KLF12: variants seen among roughly 807,000 people sequenced by gnomAD.
KLF12 encodes Krueppel-like factor 12.
Under a neutral mutation model 37.8 loss-of-function variants are expected in KLF12, and 9 were observed. The observed-to-expected ratio is 0.24, with a 90% CI of 0.14 to 0.42. The LOEUF (loss-of-function observed/expected upper bound fraction) is 0.42. Ranked by LOEUF, KLF12 falls within the 10% of genes least tolerant of loss-of-function variation. KLF12 has a pLI of 1.00. For missense variants in KLF12, 411 were observed against 516.0 expected, an observed-to-expected ratio of 0.80 and a Z score of 1.97; for synonymous variants, 208 against 202.1, an observed-to-expected ratio of 1.03 and a Z score of -0.25.
chr13:74,259,290 C>T, the KLF12 span: 6 of 152,314 alleles, frequency 3.9e-5, no homozygotes, highest in African/African-American at 1.2e-4. Context: ...CCTCGAATTC[C>T]TCTTATTCTC....
rs1180545752 is a variant in KLF12, at chr13:74,071,524, A to T, written c.-32+62215T>A. ...ACACAGTGAAACCCCGTCTCTACTA[A>T]AAAAAAAAATACAAAAAAATTAGCC... On this transcript the variant is annotated intron_variant, in intron 1 of 7. Coordinates refer to ENST00000377669, the MANE Select transcript of KLF12 (RefSeq NM_007249.5). 1.3e-3 allele frequency among the ~76,000 whole-genome samples: 8 copies of T among 5,926 alleles called. No individual in the cohort carries two copies. The Non-Finnish European group carries it at 0.065, about 48-fold the overall frequency. The allele number at this position is 5,926 out of a possible 152,430, so 3.9% of individuals were successfully genotyped here. A position where few individuals can be genotyped will look rare whatever the true frequency, so the allele number is the denominator to read the frequency against.
At chr13:74,099,659 G>T (rs1364577978) in intron 1 of KLF12, among the ~76,000 whole-genome samples, 1 of 152,046 alleles carries the variant, frequency 6.6e-6, no homozygotes, top group East Asian at 1.9e-4. Flanking sequence ...TACATGCAGG[G>T]TACCAAGGAA....
chr13:73,968,349 C>A (rs1262490232), intron 2 of KLF12, among the ~76,000 whole-genome samples: 1 of 152,150 alleles, frequency 6.6e-6, no homozygotes, highest in Non-Finnish European at 1.5e-5. Flanking sequence ...TTCTCAGAGG[C>A]CTTACTTGTG....
chr13:73,731,380 T>C (rs1484554970), intron 6 of KLF12, among the ~76,000 whole-genome samples: 1 of 151,998 alleles, frequency 6.6e-6, no homozygotes, highest in Non-Finnish European at 1.5e-5. Context: ...ATTAAAAAAA[T>C]AGTAGAAACT....
the KLF12 span, among the ~76,000 whole-genome samples, chr13:74,140,715 C>A: frequency 6.6e-6 from 1 of 152,174 alleles, no homozygotes; most frequent in African/African-American, 2.4e-5. Flanking sequence ...TGCATAGCCT[C>A]GCTAAGAAAT....
At chr13:74,305,569 A>T in the KLF12 span, among the ~76,000 whole-genome samples, 2 of 152,088 alleles carry the variant, frequency 1.3e-5, no homozygotes, top group South Asian at 2.1e-4. Context: ...TTTATAAAAA[A>T]CATTGAAACT....
chr13:73,915,903 C>T (rs1352290435), intron 3 of KLF12, among the ~76,000 whole-genome samples: 1 of 151,910 alleles, frequency 6.6e-6, no homozygotes, highest in African/African-American at 2.4e-5. Context: ...TACATCTTCT[C>T]TTTTCCATGC....
At chr13:73,772,329 C>T (rs548601178) in intron 5 of KLF12, among the ~76,000 whole-genome samples, 1 of 152,280 alleles carries the variant, frequency 6.6e-6, no homozygotes, top group South Asian at 2.1e-4. Flanking sequence ...AACACAGTTC[C>T]TGACTTGAAG....
intron 3 of KLF12, among the ~76,000 whole-genome samples, chr13:73,884,452 T>C (rs1887123363): frequency 6.6e-6 from 1 of 152,172 alleles, no homozygotes; most frequent in African/African-American, 2.4e-5. Flanking sequence ...CTTTTGATAA[T>C]CATCCTCTTT....
the KLF12 span, among the ~76,000 whole-genome samples, chr13:74,158,732 A>ATGGCCTTTTT: frequency 6.6e-6 from 1 of 152,118 alleles, no homozygotes; most frequent in African/African-American, 2.4e-5. Context: ...ATAAATACAT[A>ATGGCCTTTTT]AGAATATGAA....
the KLF12 span, among the ~76,000 whole-genome samples, chr13:74,263,244 G>A: frequency 6.6e-6 from 1 of 152,076 alleles, no homozygotes; most frequent in East Asian, 1.9e-4. Flanking sequence ...ACTTATAGTA[G>A]CCTTGAGAAA....
chr13:73,771,168 GGGGTACTTAGCAT>G (rs1880244135), intron 5 of KLF12, among the ~76,000 whole-genome samples: 1 of 152,088 alleles, frequency 6.6e-6, no homozygotes, highest in South Asian at 2.1e-4. Flanking sequence ...CTCATGGCAC[GGGGTACTTAGCAT>G]GGGTTAACTC....
At chr13:73,702,861 C>G (rs1874660824) in intron 7 of KLF12, among the ~76,000 whole-genome samples, 1 of 152,188 alleles carries the variant, frequency 6.6e-6, no homozygotes, top group Non-Finnish European at 1.5e-5. Flanking sequence ...GAATCTAGAT[C>G]TGGAAGGAAA....
chr13:74,241,386 G>A, the KLF12 span, among the ~76,000 whole-genome samples: 73 of 152,064 alleles, frequency 4.8e-4, no homozygotes, highest in Non-Finnish European at 1.0e-3. Flanking sequence ...AGAGGTTACT[G>A]CTGTCTTTTT....
chr13:73,889,197 A>T (rs1358459279), intron 3 of KLF12, among the ~76,000 whole-genome samples: 2 of 152,212 alleles, frequency 1.3e-5, no homozygotes, highest in Non-Finnish European at 2.9e-5. Context: ...GGCAGAAGAT[A>T]TATGTACATA....
At chr13:74,234,304 T>C in the KLF12 span, among the ~76,000 whole-genome samples, 1 of 152,160 alleles carries the variant, frequency 6.6e-6, no homozygotes, top group Non-Finnish European at 1.5e-5. Context: ...CATAACACAG[T>C]GGGTAGAATT....
chr13:74,042,761 G>A (rs1893441540), intron 1 of KLF12, among the ~76,000 whole-genome samples: 1 of 152,126 alleles, frequency 6.6e-6, no homozygotes, highest in South Asian at 2.1e-4. Flanking sequence ...CATTCAATCA[G>A]ACAGATAAGA....
In KLF12 at chr13:73,973,722, A is replaced by G. The variant is rs61959772; in HGVS notation, c.33+21268T>C. 6.0e-3 allele frequency among the ~76,000 whole-genome samples: 913 copies of G among 152,260 alleles called. 4 individuals are homozygous for G. Among genetic ancestry groups the G allele is most frequent in the Non-Finnish European group, 9.6e-3 (651 of 68,014 alleles). On this transcript the variant is annotated intron_variant, in intron 2 of 7. Transcript: ENST00000377669. ...GTAAACATAGCACAGGACAAAAAGG[A>G]AGTAAAGAAAGAAGAAATGAAAGAA...
chr13:73,816,525 G>T (rs1372051411), intron 4 of KLF12, among the ~76,000 whole-genome samples: 1 of 152,084 alleles, frequency 6.6e-6, no homozygotes, highest in Non-Finnish European at 1.5e-5. Flanking sequence ...AAAATCCTGG[G>T]GAGAAAATTT....
Sources: allele counts gnomAD v4.1 joint callset (sites outside exome capture counted in the v4.1 genomes callset), GRCh38; gene constraint gnomAD v4.1.1; transcripts MANE v1.5; gene names NCBI Gene and HGNC (gene_info 2026-07-23, HGNC 2026-07-21).